PTPRN2: variants seen among roughly 807,000 people sequenced by gnomAD.
PTPRN2 encodes the protein receptor-type tyrosine-protein phosphatase N2.
A neutral mutation model predicts 118.8 loss-of-function variants in PTPRN2; 74 were observed. The ratio of observed to expected loss-of-function variants is 0.62; its 90% CI spans 0.52 to 0.76. The LOEUF (loss-of-function observed/expected upper bound fraction) is 0.76, where lower values mean the gene tolerates loss of function less well. Ranked by LOEUF, PTPRN2 falls within the 30% of genes least tolerant of loss-of-function variation. The pLI is 0.00. For synonymous variants in PTPRN2, 641 were observed against 608.0 expected, an observed-to-expected ratio of 1.05 and a Z score of -0.80; for missense variants, 1,481 against 1,394.4, an observed-to-expected ratio of 1.06 and a Z score of -0.99.
chr7:158,041,005 A>G (rs1808425999), intron 11 of PTPRN2, among the ~76,000 whole-genome samples: 2 of 152,214 alleles, frequency 1.3e-5, no homozygotes, highest in African/African-American at 4.8e-5. Flanking sequence ...TGCTGGGATC[A>G]CAGGCGTGAG....
At chr7:158,123,766 T>C (rs1469217411) in intron 9 of PTPRN2, among the ~76,000 whole-genome samples, 5 of 152,216 alleles carry the variant, frequency 3.3e-5, no homozygotes, top group Admixed American at 3.3e-4. Flanking sequence ...GTACGGAAGG[T>C]CTATATAGCG....
Position 157,576,693 on chromosome 7 carries a change from G to C in PTPRN2, c.2703C>G (p.Arg901=). 6 of 1,611,510 alleles carry C rather than the reference G, an allele frequency of 3.7e-6. No individual in the cohort carries two copies. The highest frequency in any genetic ancestry group is 5.1e-6 in the Non-Finnish European group (6 of 1,178,658). Residue 901 remains arginine, a synonymous_variant, in exon 19 of 23, where the codon CGC becomes CGG. Coordinates refer to ENST00000389418, the MANE Select transcript of PTPRN2 (RefSeq NM_002847.5). ...TCAGGAAGTGGAACTGCGTCACGGTGCGCGTCTCGTTGGTCTGCAGGTTCT... is the reference window on the plus strand; with the variant it reads ...TCAGGAAGTGGAACTGCGTCACGGTCCGCGTCTCGTTGGTCTGCAGGTTCT... The part of the protein sequence containing the change: ...YLKNLQTNET[R]TVTQFHFLSW...
intron 6 of PTPRN2, among the ~76,000 whole-genome samples, chr7:158,145,374 T>C (rs1171636750): frequency 6.6e-6 from 1 of 152,128 alleles, no homozygotes; most frequent in Non-Finnish European, 1.5e-5. Flanking sequence ...CCTCACATCA[T>C]CGTGAGAAGG....
chr7:157,789,430 C>T lies in PTPRN2; in HGVS notation c.1789-106493G>A, dbSNP rs11972720. Among the ~76,000 whole-genome samples the T allele has an allele frequency of 7.5e-3, 1,140 of 152,326 alleles. 13 individuals carry two copies. Among genetic ancestry groups the T allele is most frequent in the African/African-American group, 0.026 (1,074 of 41,566 alleles). On this transcript the variant is annotated intron_variant, in intron 12 of 22. Coordinates refer to ENST00000389418, the MANE Select transcript of PTPRN2 (RefSeq NM_002847.5). ...GTACAAGGTCAGAGAGACTGGGTTTCGGGCTTCATGAGCCTCAGAAATTCA... is the reference window on the plus strand; with the variant it reads ...GTACAAGGTCAGAGAGACTGGGTTTTGGGCTTCATGAGCCTCAGAAATTCA...
At chr7:158,076,321 G>T (rs1325250539) in intron 11 of PTPRN2, among the ~76,000 whole-genome samples, 1 of 152,196 alleles carries the variant, frequency 6.6e-6, no homozygotes, top group Non-Finnish European at 1.5e-5. Flanking sequence ...TGGGGAGTGG[G>T]TGTGTGGGAG....
intron 1 of PTPRN2, among the ~76,000 whole-genome samples, chr7:158,584,713 C>T (rs73180260): frequency 0.22 from 32,980 of 152,162 alleles, 3,893 homozygotes; most frequent in South Asian, 0.4. Context: ...GTGCTGCCAA[C>T]AGCTGTTCTG....
chr7:157,936,671 C>T (rs1045464431), intron 11 of PTPRN2, among the ~76,000 whole-genome samples: 4 of 132,190 alleles, frequency 3.0e-5, no homozygotes, highest in South Asian at 2.4e-4. Flanking sequence ...CTCTTCCACT[C>T]GGAAGCCAGG....
At chr7:157,917,190 GCTGGGGAGCTT>G (rs1175722065) in intron 11 of PTPRN2, among the ~76,000 whole-genome samples, 1 of 152,276 alleles carries the variant, frequency 6.6e-6, no homozygotes, top group African/African-American at 2.4e-5. Context: ...GGCTGCCGCA[GCTGGGGAGCTT>G]CTGGTTCCCC....
At chr7:158,149,046 G>T (rs1376689231) in intron 6 of PTPRN2, among the ~76,000 whole-genome samples, 1 of 121,312 alleles carries the variant, frequency 8.2e-6, no homozygotes, top group Non-Finnish European at 1.7e-5. Flanking sequence ...CCCTCTCACT[G>T]ACACCCCATC....
chr7:158,192,520 A>G (rs768385813), intron 4 of PTPRN2, 25 bp from the exon 5 acceptor site: 5 of 1,563,798 alleles, frequency 3.2e-6, no homozygotes, highest in Non-Finnish European at 4.3e-6. Flanking sequence ...GAAACCAGAC[A>G]TCAACCGCAT....
intron 1 of PTPRN2, among the ~76,000 whole-genome samples, chr7:158,499,179 A>T (rs537443034): frequency 6.6e-6 from 1 of 152,262 alleles, no homozygotes; most frequent in Non-Finnish European, 1.5e-5. Flanking sequence ...CATCATCATC[A>T]TCATCATGGA....
In PTPRN2 at chr7:157,801,242, G is replaced by T. The variant is rs1372272113; in HGVS notation, c.1788+97431C>A. ...CCAGACCAGAAACTGAACCGACGCT[G>T]AAAGTATCAGGCCTTCCGCTTAGCG... On this transcript the variant is annotated intron_variant, in intron 12 of 22. Coordinates refer to ENST00000389418, the MANE Select transcript of PTPRN2 (RefSeq NM_002847.5). The surrounding 1 kb of genome is among the most constrained non-coding windows in gnomAD (Gnocchi z 4.2). Among the ~76,000 whole-genome samples the T allele has an allele frequency of 6.6e-6, 1 of 152,144 alleles. No homozygotes were observed. Among genetic ancestry groups the T allele is most frequent in the African/African-American group, 2.4e-5 (1 of 41,450 alleles).
rs527343126 is a variant in PTPRN2, at chr7:158,296,286, T to G, written c.277+20533A>C. Among the ~76,000 whole-genome samples the G allele has an allele frequency of 1.1e-3, 169 of 152,234 alleles. 1 individual carries two copies. Among genetic ancestry groups the G allele is most frequent in the African/African-American group, 4.0e-3 (165 of 41,544 alleles). On this transcript the variant is annotated intron_variant, in intron 3 of 22. Transcript: ENST00000389418. ...GGAGCACACCGGCAGAAGAACTCACTGACAGGCACCAGCAGACTAGGTAGT... is the reference window on the plus strand; with the variant it reads ...GGAGCACACCGGCAGAAGAACTCACGGACAGGCACCAGCAGACTAGGTAGT...
In PTPRN2 at chr7:158,505,054, A is replaced by G. The variant is rs114474331; in HGVS notation, c.113-15269T>C. On this transcript the variant is annotated intron_variant, in intron 1 of 22. Transcript: ENST00000389418. ...CAAACTATGTTCCCCTCCTCACCCT[A>G]TAGGGTTGCCGGGAAAATCCAAGGC... Among the ~76,000 whole-genome samples, 1,392 of 152,298 alleles carry G rather than the reference A, an allele frequency of 9.1e-3. 23 individuals are homozygous for G. The highest frequency in any genetic ancestry group is 0.031 in the African/African-American group (1,280 of 41,568).
At chr7:158,397,981 G>A (rs78909105) in intron 2 of PTPRN2, among the ~76,000 whole-genome samples, 3,535 of 152,192 alleles carry the variant, frequency 0.023, 152 homozygotes, top group African/African-American at 0.08. Flanking sequence ...ACTGAGGGTG[G>A]AACCAAAGCA....
chr7:157,931,698 G>A (rs953728054), intron 11 of PTPRN2, among the ~76,000 whole-genome samples: 17 of 152,078 alleles, frequency 1.1e-4, no homozygotes, highest in African/African-American at 3.9e-4. Context: ...GTGAGTTACC[G>A]AGACAGTTAG....
intron 1 of PTPRN2, among the ~76,000 whole-genome samples, chr7:158,501,609 C>T (rs1822367421): frequency 6.6e-6 from 1 of 152,164 alleles, no homozygotes; most frequent in Non-Finnish European, 1.5e-5. Context: ...CCTCCTGCCT[C>T]CAGACAGCAC....
chr7:157,841,650 C>G (rs534722211), intron 12 of PTPRN2, among the ~76,000 whole-genome samples: 1 of 152,190 alleles, frequency 6.6e-6, no homozygotes, highest in East Asian at 1.9e-4. Flanking sequence ...CCTGGCCTGG[C>G]GGACTCTGAG....
chr7:158,038,993 A>G (rs1472171121), intron 11 of PTPRN2, among the ~76,000 whole-genome samples: 5 of 152,152 alleles, frequency 3.3e-5, no homozygotes, highest in South Asian at 2.1e-4. Context: ...AATAAGATAC[A>G]AGTTTATGGC....
Sources: gnomAD v4.1 joint callset for allele counts (sites outside exome capture counted in the v4.1 genomes callset) on GRCh38, gnomAD v4.1.1 for gene constraint, Gnocchi (gnomAD v3.1) non-coding constraint, MANE v1.5 for transcripts, NCBI Gene and HGNC (gene_info 2026-07-23, HGNC 2026-07-21) for gene names.